Variants in POLE2 observed in about 807,000 individuals in gnomAD.
The protein encoded by POLE2 is DNA polymerase epsilon subunit 2.
A neutral mutation model predicts 79.4 loss-of-function variants in POLE2; 56 were observed. That is an observed-to-expected ratio of 0.71 (90% CI 0.57 to 0.88). POLE2 has a LOEUF of 0.88. Ranked by LOEUF, POLE2 falls within the 40% of genes least tolerant of loss-of-function variation. The pLI, the probability that POLE2 is intolerant of heterozygous loss-of-function variation, is 0.00. For synonymous variants in POLE2, 212 were observed against 214.0 expected (o/e 0.99, Z 0.08); for missense variants, 598 against 638.9 (o/e 0.94, Z 0.69).
chr14:49,650,002 ACTCTTT>A (rs1203786987), intron 17 of POLE2: 5 of 202,216 alleles, frequency 2.5e-5, no homozygotes, highest in African/African-American at 4.6e-5. Context: ...GGAGAAAATT[ACTCTTT>A]TGGATTTATG....
rs759771973 is a variant in POLE2 at position 49,674,386 on chromosome 14, C to A, written c.287G>T (p.Arg96Leu). Reference sequence around the variant, plus strand: ...TTTTCTTTCTGAATTGTACACAAAGCGTGGAATATCAAATGCTCCTATGAT... The same window carrying A: ...TTTTCTTTCTGAATTGTACACAAAGAGTGGAATATCAAATGCTCCTATGAT... ...FNIIGAFDIP[R>L]FVYNSERKKF... is the part of the protein sequence containing the mutation. The change falls in exon 4 of 19, where the codon CGC becomes CTC. Residue 96 changes from arginine to leucine, a missense_variant. Arg to Leu is a moderately radical substitution (Grantham distance 102). Coordinates refer to ENST00000216367, the MANE Select transcript of POLE2 (RefSeq NM_002692.4). 5 of 1,610,622 alleles carry A rather than the reference C, an allele frequency of 3.1e-6. No homozygotes were observed. The highest frequency in any genetic ancestry group is 2.5e-6 in the Non-Finnish European group (3 of 1,177,242).
intron 17 of POLE2, 122 bp from the exon 18 acceptor site, chr14:49,647,482 TG>T: frequency 3.3e-6 from 1 of 303,948 alleles, no homozygotes; most frequent in Non-Finnish European, 6.0e-6. Context: ...TTTTGAGACA[TG>T]GTCTCACTCT....
At chr14:49,675,879 A>T (rs1251634800) in intron 3 of POLE2, among the ~76,000 whole-genome samples, 1 of 152,012 alleles carries the variant, frequency 6.6e-6, no homozygotes, top group Non-Finnish European at 1.5e-5. Flanking sequence ...TCAGCCTCCC[A>T]AGTAGCTGGG....
chr14:49,648,590 T>A (rs537052361), intron 17 of POLE2, among the ~76,000 whole-genome samples: 1 of 152,344 alleles, frequency 6.6e-6, no homozygotes, highest in South Asian at 2.1e-4. Context: ...TAACCAGGGT[T>A]CCTTTGTCCC....
At chr14:49,672,539 G>T (rs1215023023) in intron 5 of POLE2, among the ~76,000 whole-genome samples, 3 of 142,188 alleles carry the variant, frequency 2.1e-5, no homozygotes, top group Non-Finnish European at 3.0e-5. Context: ...CGCTCTTGTT[G>T]CCCAGGCTGG....
chr14:49,687,415 C>A (rs931258831), intron 1 of POLE2, among the ~76,000 whole-genome samples: 2 of 151,788 alleles, frequency 1.3e-5, no homozygotes, highest in Non-Finnish European at 2.9e-5. Context: ...TATAGGTCCT[C>A]AAAAACACGG....
chr14:49,666,496 G>A (rs1052825894), intron 6 of POLE2, 83 bp from the exon 7 acceptor site: 6 of 520,764 alleles, frequency 1.2e-5, no homozygotes, highest in South Asian at 7.3e-5. Context: ...CTATATTTGG[G>A]GTATACATTT....
chr14:49,684,364 C>T (rs1368805371), intron 1 of POLE2, among the ~76,000 whole-genome samples: 3 of 151,698 alleles, frequency 2.0e-5, no homozygotes, highest in Non-Finnish European at 2.9e-5. Context: ...ACTCGGGAGA[C>T]TGAGGCAGGA....
intron 3 of POLE2, among the ~76,000 whole-genome samples, chr14:49,675,742 T>G (rs754158052): frequency 2.3e-4 from 33 of 142,292 alleles, no homozygotes; most frequent in Middle Eastern, 3.6e-3. Context: ...ATTTTAAAAA[T>G]CTAAAATGTT....
In POLE2 at chr14:49,654,769, G is replaced by A; in HGVS notation, c.1073+15C>T. The A allele has an allele frequency of 6.7e-7, 1 of 1,482,952 alleles. No homozygotes were observed. The highest frequency in any genetic ancestry group is 8.9e-7 in the Non-Finnish European group (1 of 1,123,248). The allele number at this position is 1,482,952 out of a possible 1,614,324, so 91.9% of individuals were successfully genotyped here. A position where few individuals can be genotyped will look rare whatever the true frequency, so the allele number is the denominator to read the frequency against. On this transcript the variant is annotated intron_variant, in intron 13 of 18. Coordinates refer to ENST00000216367, the MANE Select transcript of POLE2 (RefSeq NM_002692.4). The stretch of plus-strand genomic sequence containing the variant: ...GTAAAACGGTGAAAAAATATATAGT[G>A]CTAGAGATCATTACCTTTGGTGAAT...
intron 16 of POLE2, 133 bp downstream of exon 16, chr14:49,651,132 TACTG>T (rs1819467670): frequency 4.0e-6 from 2 of 500,640 alleles, no homozygotes; most frequent in Non-Finnish European, 7.3e-6. Context: ...AAAATTAACT[TACTG>T]ACAAAAGTAC....
intron 2 of POLE2, 92 bp from the exon 3 acceptor site, chr14:49,679,892 T>G (rs1886576130): frequency 5.8e-6 from 4 of 693,758 alleles, no homozygotes; most frequent in South Asian, 1.7e-5. Context: ...AATTTGCAAA[T>G]ATTAATACTG....
rs1257088035 is a variant in POLE2 at position 49,655,681 on chromosome 14, T to C, written c.918A>G (p.Ile306Met). 1 of 1,606,722 alleles carries C rather than the reference T, an allele frequency of 6.2e-7. No individual in the cohort carries two copies. The highest frequency in any genetic ancestry group is 8.5e-7 in the Non-Finnish European group (1 of 1,177,708). ...DQVEVLEKLRIMFAGYSPAPP... is the reference protein window; with the variant it reads ...DQVEVLEKLRMMFAGYSPAPP... ...AAAAATAAGACCTACCAGCAAACAT[T>C]ATGCGAAGTTTTTCCAATACTTCCA... The change falls in exon 11 of 19, where the codon ATA (isoleucine) becomes ATG (methionine). Residue 306 changes from isoleucine to methionine, a missense_variant. Coordinates refer to ENST00000216367, the MANE Select transcript of POLE2 (RefSeq NM_002692.4).
chr14:49,646,831 A>G (rs1883811860), intron 18 of POLE2: 1 of 152,972 alleles, frequency 6.5e-6, no homozygotes, highest in Non-Finnish European at 1.5e-5. Context: ...ATCTATGTAG[A>G]TCACCCTGTG....
At chr14:49,671,761 C>T (rs1194292049) in intron 5 of POLE2, among the ~76,000 whole-genome samples, 1 of 151,844 alleles carries the variant, frequency 6.6e-6, no homozygotes, top group African/African-American at 2.4e-5. Context: ...TCGAGACCAG[C>T]CTGGCCAACA....
chr14:49,668,369 T>A (rs1365330722), intron 6 of POLE2, among the ~76,000 whole-genome samples: 1 of 149,806 alleles, frequency 6.7e-6, no homozygotes, highest in Non-Finnish European at 1.5e-5. Context: ...TCCAAGCTAC[T>A]CAGGAGGCTG....
In POLE2 at chr14:49,646,302, G is replaced by GTTTTTTTTGTTT. The variant is rs1883758731; in HGVS notation, c.1565+990_1565+991insAAACAAAAAAAA. On this transcript the variant is annotated intron_variant, in intron 18 of 18. Transcript: ENST00000216367. Reference sequence around the variant, plus strand: ...GATTTGGTCAGTTGTTTTTTTGTTGGTTTTTTTTTTTTTTTTTTTTTTTTT... The same window carrying GTTTTTTTTGTTT: ...GATTTGGTCAGTTGTTTTTTTGTTGGTTTTTTTTGTTTTTTTTTTTTTTTTTTTTTTTTTTTT... Among the ~76,000 whole-genome samples, 6 of 84,578 alleles carry GTTTTTTTTGTTT rather than the reference G, an allele frequency of 7.1e-5. 1 individual carries two copies. Among genetic ancestry groups the GTTTTTTTTGTTT allele is most frequent in the Non-Finnish European group, 8.3e-5 (4 of 48,300 alleles). The allele number at this position is 84,578 out of a possible 152,430, so 55.5% of individuals were successfully genotyped here.
At position 49,676,266 on chromosome 14, in the gene POLE2, T is replaced by G. The variant is rs906548879; in HGVS notation, c.246-1839A>C. On this transcript the variant is annotated intron_variant, in intron 3 of 18. Transcript: ENST00000216367. The stretch of plus-strand genomic sequence containing the variant: ...TTTCCACAGCACTACTGTATAAATA[T>G]CCCAACCTAAAAATCTTTCCTAAAA... 4.6e-5 allele frequency among the ~76,000 whole-genome samples: 7 copies of G among 152,288 alleles called. No individual in the cohort carries two copies. In the South Asian group the frequency reaches 1.5e-3, roughly 32 times the overall value.
intron 10 of POLE2, among the ~76,000 whole-genome samples, chr14:49,657,729 C>G (rs1461085923): frequency 6.6e-6 from 1 of 152,188 alleles, no homozygotes; most frequent in South Asian, 2.1e-4. Flanking sequence ...CATGAGCCAC[C>G]ACGCCCAGCC....
Sources: allele counts gnomAD v4.1 joint callset (sites outside exome capture counted in the v4.1 genomes callset), GRCh38; gene constraint gnomAD v4.1.1; transcripts MANE v1.5; gene names NCBI Gene and HGNC (gene_info 2026-07-23, HGNC 2026-07-21).